The following WWC2 variants were observed in gnomAD, a reference collection of about 807,000 sequenced individuals.
WWC2 encodes the protein WW and C2 domain containing 2.
In WWC2, 101 loss-of-function variants were observed where a neutral mutation model predicts 138.5. The ratio of observed to expected loss-of-function variants is 0.73; its 90% CI spans 0.62 to 0.86. The LOEUF is 0.86. WWC2 is among the 40% of genes least tolerant of loss of function. The probability of loss-of-function intolerance (pLI) is 0.00; values close to 1 mark genes in which losing one functional copy is unlikely to be tolerated. For synonymous variants in WWC2, 558 were observed against 538.4 expected, an observed-to-expected ratio of 1.04 and a Z score of -0.50; for missense variants, 1,420 against 1,419.4, an observed-to-expected ratio of 1.00 and a Z score of -0.01.
intron 1 of WWC2, among the ~76,000 whole-genome samples, chr4:183,153,947 A>G (rs1733718551): frequency 2.0e-5 from 3 of 148,680 alleles, no homozygotes; most frequent in Non-Finnish European, 4.4e-5. Flanking sequence ...CCTGGCCCAA[A>G]CAGTCATGAT....
At chr4:183,121,934 T>C (rs142542099) in intron 1 of WWC2, among the ~76,000 whole-genome samples, 8,878 of 152,044 alleles carry the variant, frequency 0.058, 411 homozygotes, top group African/African-American at 0.13. Flanking sequence ...TATAGGCACC[T>C]GCCACCACGC....
intron 11 of WWC2, 141 bp from the exon 12 acceptor site, chr4:183,264,837 T>C: frequency 1.1e-6 from 1 of 902,736 alleles, no homozygotes; most frequent in South Asian, 3.3e-5. Context: ...TGTTTACAGC[T>C]GTAGATTTGA....
chr4:183,221,018 T>A (rs1735921150), intron 4 of WWC2, among the ~76,000 whole-genome samples: 1 of 152,140 alleles, frequency 6.6e-6, no homozygotes, highest in Non-Finnish European at 1.5e-5. Context: ...AGGCAAAGAT[T>A]ATCAGAATGG....
intron 1 of WWC2, among the ~76,000 whole-genome samples, chr4:183,156,173 C>T (rs1447323950): frequency 1.3e-5 from 2 of 151,690 alleles, no homozygotes; most frequent in African/African-American, 4.8e-5. Context: ...ATTACAGGTG[C>T]CGCTACCACA....
At position 183,141,937 on chromosome 4, in the gene WWC2, T is replaced by C. The variant is rs75805724; in HGVS notation, c.131+42315T>C. The stretch of plus-strand genomic sequence containing the variant: ...GACAAGGCTCTGCCTTCATGGCATA[T>C]AGACTATAGCAGGGGACATGTGTTT... On this transcript the variant is annotated intron_variant, in intron 1 of 22. Transcript: ENST00000403733. 5.1e-3 allele frequency among the ~76,000 whole-genome samples: 778 copies of C among 152,316 alleles called. 5 individuals carry two copies. Among genetic ancestry groups the C allele is most frequent in the African/African-American group, 0.018 (747 of 41,562 alleles).
At chr4:183,271,298 A>G (rs1737688415) in intron 16 of WWC2, 57 bp downstream of exon 16, 2 of 1,382,146 alleles carry the variant, frequency 1.4e-6, no homozygotes, top group African/African-American at 1.5e-5. Context: ...TATGAAATAC[A>G]TATATGAAAG....
At chr4:183,187,570 A>AATAATAATAATAATG (rs1560832767) in intron 1 of WWC2, among the ~76,000 whole-genome samples, 3 of 141,390 alleles carry the variant, frequency 2.1e-5, no homozygotes, top group African/African-American at 7.8e-5. Flanking sequence ...TAATAATAAT[A>AATAATAATAATAATG]ATAATAATAA....
chr4:183,248,737 G>A lies in WWC2; in HGVS notation c.756G>A (p.Arg252=), dbSNP rs1736878057. ...AGAGTCTTGCTAAGCTGCAGGAGCG[G>A]TTTCATTTGGATCAGAACATTGGCA... is the stretch of plus-strand genomic sequence containing the variant. ...LMQSLAKLQE[R]FHLDQNIGRS... The change falls in exon 7 of 23, where the codon CGG becomes CGA. Residue 252 remains arginine, a synonymous_variant. Coordinates refer to ENST00000403733, the MANE Select transcript of WWC2 (RefSeq NM_024949.6). 2.5e-6 allele frequency: 4 copies of A among 1,601,620 alleles called. No individual in the cohort carries two copies. In the Admixed American group the frequency reaches 6.8e-5, roughly 27 times the overall value.
At chr4:183,280,970 G>A (rs1738053489) in intron 17 of WWC2, 73 bp downstream of exon 17, 2 of 1,482,470 alleles carry the variant, frequency 1.3e-6, no homozygotes, top group South Asian at 1.4e-5. Flanking sequence ...TGAAACCTTT[G>A]TAGGCTCATG....
rs1737477531 is a variant in WWC2, at chr4:183,265,676, C to T, written c.2040-12C>T. 2 of 1,605,204 alleles carry T rather than the reference C, an allele frequency of 1.2e-6. No individual in the cohort carries two copies. Among genetic ancestry groups the T allele is most frequent in the Non-Finnish European group, 8.5e-7 (1 of 1,175,436 alleles). On this transcript the variant is annotated splice_polypyrimidine_tract_variant and intron_variant, in intron 12 of 22. Coordinates refer to ENST00000403733, the MANE Select transcript of WWC2 (RefSeq NM_024949.6). ...CATTAATTAACTGTTCATCTACTCC[C>T]TGTCCATATAGACCTAGTGAAATGG...
At chr4:183,270,513 T>C (rs952144485) in intron 15 of WWC2, among the ~76,000 whole-genome samples, 4 of 151,968 alleles carry the variant, frequency 2.6e-5, no homozygotes, top group Non-Finnish European at 5.9e-5. Flanking sequence ...CCTGTAATCC[T>C]AGCACTTTGG....
chr4:183,308,987 C>G (rs1350818861), intron 21 of WWC2, among the ~76,000 whole-genome samples: 1 of 152,136 alleles, frequency 6.6e-6, no homozygotes, highest in African/African-American at 2.4e-5. Flanking sequence ...AAAAGATCAT[C>G]TTTTCAACAA....
At position 183,269,100 on chromosome 4, in the gene WWC2, A is replaced by G. The variant is rs761635923; in HGVS notation, c.2337A>G (p.Leu779=). 1.1e-5 allele frequency: 17 copies of G among 1,613,846 alleles called. No individual in the cohort carries two copies. Among genetic ancestry groups the G allele is most frequent in the Non-Finnish European group, 1.4e-5 (16 of 1,179,890 alleles). Residue 779 remains leucine (L), a synonymous_variant, in exon 15 of 23, where the codon TTA becomes TTG. Transcript: ENST00000403733. ...GAGTCGCCATTTCCCAAACAGCCTT[A>G]CAACAGAAGACACTGAGGGTAGACC... is the stretch of plus-strand genomic sequence containing the variant. ...VFRVAISQTA[L]QQKTLRVDLC...
chr4:183,227,047 T>C (rs1736095545), intron 4 of WWC2, among the ~76,000 whole-genome samples: 1 of 151,984 alleles, frequency 6.6e-6, no homozygotes, highest in Admixed American at 6.5e-5. Flanking sequence ...ACTCAGACAG[T>C]CACTAAACCT....
chr4:183,214,812 A>G (rs974644432), intron 4 of WWC2, among the ~76,000 whole-genome samples: 2 of 151,864 alleles, frequency 1.3e-5, no homozygotes, highest in African/African-American at 4.8e-5. Flanking sequence ...GCCTTTGGAG[A>G]ATGTAAATTG....
chr4:183,134,857 T>C (rs1183984791), intron 1 of WWC2, among the ~76,000 whole-genome samples: 1 of 152,192 alleles, frequency 6.6e-6, no homozygotes, highest in Non-Finnish European at 1.5e-5. Flanking sequence ...AGTAATTTCC[T>C]TATTTTCCTT....
chr4:183,159,729 TAAAAAA>T (rs1162694124), intron 1 of WWC2, among the ~76,000 whole-genome samples: 3 of 74,418 alleles, frequency 4.0e-5, no homozygotes, highest in South Asian at 5.2e-4. Flanking sequence ...TTTTTTTTTT[TAAAAAA>T]AAAAAATTGT....
At chr4:183,309,133 T>C (rs922281429) in intron 21 of WWC2, among the ~76,000 whole-genome samples, 1 of 152,142 alleles carries the variant, frequency 6.6e-6, no homozygotes, top group Admixed American at 6.5e-5. Flanking sequence ...ATAAAACTCC[T>C]AGAAGTTACC....
At chr4:183,266,273 C>T (rs1737500808) in intron 14 of WWC2, among the ~76,000 whole-genome samples, 1 of 152,098 alleles carries the variant, frequency 6.6e-6, no homozygotes, top group Admixed American at 6.6e-5. Context: ...GTAATTGTTA[C>T]TACTGTTGTT....
Sources: allele counts gnomAD v4.1 joint callset (sites outside exome capture counted in the v4.1 genomes callset), GRCh38; gene constraint gnomAD v4.1.1; transcripts MANE v1.5; gene names NCBI Gene and HGNC (gene_info 2026-07-23, HGNC 2026-07-21).